Variants in MED13 observed in about 807,000 individuals in gnomAD.
MED13 encodes mediator complex subunit 13.
MED13 carries 23 observed loss-of-function variants against 225.2 expected under a neutral mutation model. The observed-to-expected ratio is 0.10, with a 90% CI of 0.07 to 0.14. MED13 has a LOEUF of 0.14. Among genes scored for constraint, MED13 ranks in the 10% least tolerant of loss-of-function variants. The pLI is 1.00. For synonymous variants in MED13, 942 were observed against 889.2 expected (o/e 1.06, Z -1.06); for missense variants, 2,197 against 2,594.5 (o/e 0.85, Z 3.33).
At chr17:61,978,193 G>T (rs940568246) in intron 16 of MED13, among the ~76,000 whole-genome samples, 2 of 150,272 alleles carry the variant, frequency 1.3e-5, no homozygotes, top group Non-Finnish European at 2.9e-5. Flanking sequence ...TCTTGTTGCC[G>T]GGCTGGAGCG....
At chr17:62,055,612 C>T (rs1377565110) in intron 2 of MED13, among the ~76,000 whole-genome samples, 2 of 151,960 alleles carry the variant, frequency 1.3e-5, no homozygotes, top group Non-Finnish European at 2.9e-5. Context: ...CATCTGAGGT[C>T]AGGAGTTCAA....
At chr17:61,986,050 A>T (rs998802032) in intron 12 of MED13, among the ~76,000 whole-genome samples, 22 of 152,218 alleles carry the variant, frequency 1.4e-4, no homozygotes, top group Admixed American at 7.9e-4. Context: ...TGTGATAAAT[A>T]TTAATATGTA....
At chr17:61,987,537 C>T (rs536553441) in intron 11 of MED13, among the ~76,000 whole-genome samples, 2 of 152,024 alleles carry the variant, frequency 1.3e-5, no homozygotes, top group Non-Finnish European at 2.9e-5. Context: ...GGGGATTATG[C>T]AACAAGAAAT....
intron 26 of MED13, among the ~76,000 whole-genome samples, chr17:61,954,292 T>A (rs2079922467): frequency 6.6e-6 from 1 of 152,218 alleles, no homozygotes; most frequent in Non-Finnish European, 1.5e-5. Context: ...CTTCTTTATT[T>A]TCTCTTCTAC....
chr17:61,965,480 A>G lies in MED13; in HGVS notation c.4382-12T>C. The G allele has an allele frequency of 6.3e-7, 1 of 1,593,764 alleles. No individual in the cohort carries two copies. The highest frequency in any genetic ancestry group is 8.5e-7 in the Non-Finnish European group (1 of 1,170,004). ...AGCAAGATAAGGACCTAAAGAATAAAAACAGGTACGAAATTTAATTCTTTA... is the reference window on the plus strand; with the variant it reads ...AGCAAGATAAGGACCTAAAGAATAAGAACAGGTACGAAATTTAATTCTTTA... On this transcript the variant is annotated splice_polypyrimidine_tract_variant and intron_variant, in intron 19 of 29. Transcript: ENST00000397786.
chr17:61,983,512 A>C (rs191165991), intron 15 of MED13, among the ~76,000 whole-genome samples: 47 of 152,292 alleles, frequency 3.1e-4, no homozygotes, highest in African/African-American at 1.1e-3. Context: ...GTAATTTTAA[A>C]ATGCTACCAC....
chr17:61,978,628 C>A (rs2080177586), intron 16 of MED13, among the ~76,000 whole-genome samples: 1 of 152,154 alleles, frequency 6.6e-6, no homozygotes, highest in Non-Finnish European at 1.5e-5. Flanking sequence ...GAAAGGTTAA[C>A]TAACTTGGCC....
intron 6 of MED13, chr17:62,030,308 A>T (rs1192623920): frequency 1.8e-5 from 5 of 271,410 alleles, no homozygotes; most frequent in Admixed American, 1.4e-4. Flanking sequence ...GCAAGGAAGG[A>T]GGTGTCCCAT....
rs200686902 is a variant in MED13 at position 61,996,075 on chromosome 17, AAAGAG to A, written c.1968-715_1968-711del. On this transcript the variant is annotated intron_variant, in intron 9 of 29. Transcript: ENST00000397786. ...TAAAATGACAGGAGATGACAGAATAAAAGAGAAGACAACAAGGAAGTTGGAAAGAT... is the reference window on the plus strand; with the variant it reads ...TAAAATGACAGGAGATGACAGAATAAAAGACAACAAGGAAGTTGGAAAGAT... Among the ~76,000 whole-genome samples the A allele has an allele frequency of 5.5e-3, 842 of 152,318 alleles. 6 individuals carry two copies. Among genetic ancestry groups the A allele is most frequent in the South Asian group, 8.7e-3 (42 of 4,824 alleles).
At chr17:61,992,771 TATTATTAC>T (rs1359936821) in intron 10 of MED13, 150 bp from the exon 11 acceptor site, 2 of 472,632 alleles carry the variant, frequency 4.2e-6, no homozygotes, top group Non-Finnish European at 7.1e-6. Flanking sequence ...GTAGTATGCT[TATTATTAC>T]TTTTTTTTGA....
chr17:61,994,408 T>C (rs921174159), intron 10 of MED13, among the ~76,000 whole-genome samples: 1 of 152,264 alleles, frequency 6.6e-6, no homozygotes, highest in African/African-American at 2.4e-5. Flanking sequence ...CTATATATCT[T>C]GCACTTCATT....
chr17:61,966,767 G>A, intron 18 of MED13, 116 bp from the exon 19 acceptor site: 1 of 619,004 alleles, frequency 1.6e-6, no homozygotes, highest in Non-Finnish European at 2.4e-6. Context: ...GCAATTAACA[G>A]TTATGATAAA....
chr17:61,989,340 T>A (rs542270739), intron 11 of MED13, among the ~76,000 whole-genome samples: 12 of 150,676 alleles, frequency 8.0e-5, no homozygotes, highest in African/African-American at 2.9e-4. Flanking sequence ...TATTTAACAT[T>A]TGATTGATTG....
In MED13 at chr17:61,967,809, C is replaced by G. The variant is rs111548761; in HGVS notation, c.4191+226G>C. Among the ~76,000 whole-genome samples, 443 of 152,214 alleles carry G rather than the reference C, an allele frequency of 2.9e-3. 3 individuals are homozygous for G. The highest frequency in any genetic ancestry group is 0.01 in the African/African-American group (417 of 41,528). On this transcript the variant is annotated intron_variant, in intron 18 of 29. Coordinates refer to ENST00000397786, the MANE Select transcript of MED13 (RefSeq NM_005121.3). ...AAAGGGATATATATCTATATGCCCT[C>G]AATGTTTCTTCCTCCTATAGGGGGA...
At chr17:62,017,030 T>TAATAAATA (rs546974415) in intron 8 of MED13, among the ~76,000 whole-genome samples, 6 of 149,724 alleles carry the variant, frequency 4.0e-5, no homozygotes, top group Non-Finnish European at 8.9e-5. Flanking sequence ...ATAATAATAA[T>TAATAAATA]AATAAATAAA....
chr17:62,049,527 C>CA (rs1195217186), intron 3 of MED13, among the ~76,000 whole-genome samples: 1 of 151,806 alleles, frequency 6.6e-6, no homozygotes, highest in Non-Finnish European at 1.5e-5. Flanking sequence ...ACTTTATTTA[C>CA]AAAAAAAGTG....
Position 62,011,204 on chromosome 17 carries a change from C to A in MED13, c.1313G>T (p.Gly438Val). 1.2e-6 allele frequency: 2 copies of A among 1,608,762 alleles called. No individual in the cohort carries two copies. Among genetic ancestry groups the A allele is most frequent in the South Asian group, 2.2e-5 (2 of 89,878 alleles). ...RHKNLKSRNA[G>V]QQGQAPSLGQ... Reference sequence around the variant, plus strand: ...TAAAGATGGTGCCTGTCCTTGTTGTCCAGCATTTCTTGACTTGAGATTTTT... The same window carrying A: ...TAAAGATGGTGCCTGTCCTTGTTGTACAGCATTTCTTGACTTGAGATTTTT... Residue 438 changes from glycine (G) to valine (V), a missense_variant, in exon 9 of 30, where the codon GGA (glycine) becomes GTA (valine). Physicochemically the swap from Gly to Val is moderately radical, Grantham distance 109. Coordinates refer to ENST00000397786, the MANE Select transcript of MED13 (RefSeq NM_005121.3).
intron 16 of MED13, among the ~76,000 whole-genome samples, chr17:61,980,335 A>C (rs779812077): frequency 6.6e-6 from 1 of 151,706 alleles, no homozygotes; most frequent in Non-Finnish European, 1.5e-5. Flanking sequence ...TCCTTGTACT[A>C]CTCTATCTAC....
intron 1 of MED13, 136 bp from the exon 2 acceptor site, chr17:62,063,437 CAA>C (rs992427176): frequency 3.5e-6 from 2 of 567,240 alleles, no homozygotes; most frequent in South Asian, 3.0e-5. Flanking sequence ...CAAATTAGAA[CAA>C]AAAAAGACTT....
Sources: gnomAD v4.1 joint callset for allele counts (sites outside exome capture counted in the v4.1 genomes callset) on GRCh38, gnomAD v4.1.1 for gene constraint, MANE v1.5 for transcripts, NCBI Gene and HGNC (gene_info 2026-07-23, HGNC 2026-07-21) for gene names.